The following CEP112 variants were observed in gnomAD, a reference collection of about 807,000 sequenced individuals.
CEP112 encodes centrosomal protein 112.
In CEP112, 127 loss-of-function variants were observed where a neutral mutation model predicts 153.0. The ratio of observed to expected loss-of-function variants is 0.83; its 90% CI spans 0.72 to 0.96. CEP112 has a LOEUF of 0.96. Ranked by LOEUF, CEP112 falls within the 40% of genes least tolerant of loss-of-function variation. The pLI is 0.00. For missense variants in CEP112, 1,089 were observed against 1,101.2 expected (o/e 0.99, Z 0.16); for synonymous variants, 358 against 374.4 (o/e 0.96, Z 0.51).
chr17:66,167,553 C>T (rs2072030012), intron 4 of CEP112, among the ~76,000 whole-genome samples: 1 of 152,134 alleles, frequency 6.6e-6, no homozygotes, highest in African/African-American at 2.4e-5. Context: ...CAAAGGCAAA[C>T]TGCTTTCTTT....
chr17:65,660,485 TCC>T (rs2046330198), intron 24 of CEP112, among the ~76,000 whole-genome samples: 1 of 108,258 alleles, frequency 9.2e-6, no homozygotes, highest in Admixed American at 9.8e-5. Flanking sequence ...CTTCCTTCCT[TCC>T]TTCCTTCCTT....
intron 17 of CEP112, among the ~76,000 whole-genome samples, chr17:65,997,797 CCCCA>C (rs759369588): frequency 9.9e-4 from 140 of 141,354 alleles, no homozygotes; most frequent in East Asian, 6.1e-3. Context: ...ACATCCCCCC[CCCCA>C]CACACACACA....
intron 21 of CEP112, among the ~76,000 whole-genome samples, chr17:65,768,836 G>A (rs975225680): frequency 3.9e-5 from 6 of 152,004 alleles, no homozygotes; most frequent in South Asian, 4.1e-4. Context: ...CATAATCAAT[G>A]GGGAGAAACT....
At chr17:66,083,299 C>T (rs1312479400) in intron 8 of CEP112, among the ~76,000 whole-genome samples, 1 of 152,140 alleles carries the variant, frequency 6.6e-6, no homozygotes, top group Non-Finnish European at 1.5e-5. Context: ...TGTGCTTTTG[C>T]TCCTCTTTTG....
At chr17:65,725,759 C>G (rs886120125) in intron 23 of CEP112, among the ~76,000 whole-genome samples, 1 of 152,114 alleles carries the variant, frequency 6.6e-6, no homozygotes, top group African/African-American at 2.4e-5. Context: ...ACGGAAACCC[C>G]TGATAAACCC....
intron 4 of CEP112, among the ~76,000 whole-genome samples, chr17:66,173,032 C>T (rs1007665838): frequency 2.6e-5 from 4 of 152,206 alleles, no homozygotes; most frequent in Non-Finnish European, 5.9e-5. Context: ...TAGCTAGGAC[C>T]ACAGACGCAC....
intron 19 of CEP112, among the ~76,000 whole-genome samples, chr17:65,921,570 T>C (rs968928295): frequency 6.6e-6 from 1 of 152,198 alleles, no homozygotes; most frequent in Non-Finnish European, 1.5e-5. Context: ...TCAGCATTGA[T>C]TCTAATGTAT....
chr17:65,931,373 T>A (rs1386299674), intron 18 of CEP112, among the ~76,000 whole-genome samples: 1 of 152,214 alleles, frequency 6.6e-6, no homozygotes, highest in African/African-American at 2.4e-5. Context: ...GTTGACTGTA[T>A]CATCTCTCCC....
At chr17:65,787,034 T>G (rs1026438420) in intron 21 of CEP112, among the ~76,000 whole-genome samples, 15 of 152,250 alleles carry the variant, frequency 9.9e-5, no homozygotes, top group Non-Finnish European at 8.8e-5. Flanking sequence ...TATGGCTTTA[T>G]GTGCTCTCTA....
chr17:66,121,503 G>T (rs1046461928), intron 6 of CEP112, among the ~76,000 whole-genome samples: 1 of 152,012 alleles, frequency 6.6e-6, no homozygotes, highest in Non-Finnish European at 1.5e-5. Context: ...TGCACTTATG[G>T]TATTCCACAT....
At chr17:66,028,797 A>G (rs909976412) in intron 14 of CEP112, among the ~76,000 whole-genome samples, 3 of 152,046 alleles carry the variant, frequency 2.0e-5, no homozygotes, top group African/African-American at 7.2e-5. Context: ...AAACAATAAT[A>G]ACGCATATAG....
At chr17:65,728,625 C>CTATA (rs2050315496) in intron 23 of CEP112, among the ~76,000 whole-genome samples, 1 of 152,002 alleles carries the variant, frequency 6.6e-6, no homozygotes, top group African/African-American at 2.4e-5. Flanking sequence ...GTATAATTGC[C>CTATA]TATAGTACAG....
chr17:66,122,944 T>C (rs2069668107), intron 6 of CEP112, among the ~76,000 whole-genome samples: 1 of 152,178 alleles, frequency 6.6e-6, no homozygotes, highest in Admixed American at 6.5e-5. Flanking sequence ...ACAGCATCCT[T>C]AGGTTTGAAC....
chr17:65,680,421 A>T (rs1358155253), intron 24 of CEP112, among the ~76,000 whole-genome samples: 1 of 152,168 alleles, frequency 6.6e-6, no homozygotes, highest in African/African-American at 2.4e-5. Flanking sequence ...CTTCGTCCTC[A>T]AAGTCCCTGT....
chr17:65,876,969 G>C (rs2058850693), intron 20 of CEP112, among the ~76,000 whole-genome samples: 1 of 151,844 alleles, frequency 6.6e-6, no homozygotes, highest in Non-Finnish European at 1.5e-5. Flanking sequence ...GTGATCATCT[G>C]TTTGTTTAGT....
At chr17:65,813,781 C>T (rs776852490) in intron 21 of CEP112, among the ~76,000 whole-genome samples, 14 of 152,154 alleles carry the variant, frequency 9.2e-5, no homozygotes, top group African/African-American at 2.7e-4. Flanking sequence ...GTTTAATTTA[C>T]ACCAATTATT....
chr17:66,188,688 G>A (rs2073046387), intron 1 of CEP112, among the ~76,000 whole-genome samples: 1 of 150,404 alleles, frequency 6.6e-6, no homozygotes, highest in Non-Finnish European at 1.5e-5. Flanking sequence ...ATCTTAGTAA[G>A]TACCTAGCTT....
At chr17:65,859,621 T>C (rs1412082504) in intron 20 of CEP112, among the ~76,000 whole-genome samples, 1 of 151,602 alleles carries the variant, frequency 6.6e-6, no homozygotes, top group Admixed American at 6.6e-5. Context: ...TATTCTTTAT[T>C]GTGAAGTTTT....
intron 5 of CEP112, among the ~76,000 whole-genome samples, 171 bp from the exon 6 acceptor site, chr17:66,129,994 AG>A (rs538719493): frequency 5.8e-4 from 88 of 151,840 alleles, no homozygotes; most frequent in Middle Eastern, 6.8e-3. Context: ...GAAGGGAAAG[AG>A]GGGGAAGGGA....
Sources: allele counts gnomAD v4.1 joint callset (sites outside exome capture counted in the v4.1 genomes callset), GRCh38; gene constraint gnomAD v4.1.1; transcripts MANE v1.5; gene names NCBI Gene and HGNC (gene_info 2026-07-23, HGNC 2026-07-21).